The following RABGEF1 variants were observed in gnomAD, a reference collection of about 807,000 sequenced individuals.
RABGEF1 encodes the protein RAB guanine nucleotide exchange factor 1, also known as rab5 GDP/GTP exchange factor.
In RABGEF1, 26 loss-of-function variants were observed where a neutral mutation model predicts 57.3. That is an observed-to-expected ratio of 0.45 (90% CI 0.33 to 0.63). RABGEF1 has a LOEUF of 0.63. RABGEF1 is among the 20% of genes least tolerant of loss of function. The probability of loss-of-function intolerance (pLI) is 0.02; values close to 1 mark genes in which losing one functional copy is unlikely to be tolerated. For synonymous variants in RABGEF1, 185 were observed against 210.7 expected, an observed-to-expected ratio of 0.88 and a Z score of 1.06; for missense variants, 464 against 607.6, an observed-to-expected ratio of 0.76 and a Z score of 2.48.
At chr7:66,765,370 G>A (rs1467556366) in intron 1 of RABGEF1, among the ~76,000 whole-genome samples, 1 of 152,060 alleles carries the variant, frequency 6.6e-6, no homozygotes, top group African/African-American at 2.4e-5. Context: ...AGCTTTTATT[G>A]TATGCCAAGT....
chr7:66,728,955 T>TACCACCATC (rs1310702475), intron 2 of RABGEF1, among the ~76,000 whole-genome samples: 16 of 147,916 alleles, frequency 1.1e-4, no homozygotes, highest in African/African-American at 2.0e-4. Context: ...CCTCCACTTT[T>TACCACCATC]TTTTTTTTTT....
intron 4 of RABGEF1, among the ~76,000 whole-genome samples, chr7:66,791,404 T>A (rs2129161777): frequency 6.6e-6 from 1 of 152,360 alleles, no homozygotes; most frequent in South Asian, 2.1e-4. Context: ...ACTTTAAATG[T>A]GTGTTTCATT....
chr7:66,692,966 A>G (rs1440112587), intron 1 of RABGEF1, among the ~76,000 whole-genome samples: 2 of 152,016 alleles, frequency 1.3e-5, no homozygotes, highest in Admixed American at 6.6e-5. Context: ...AAGGCCCCCC[A>G]TGCCGGAAGG....
chr7:66,800,584 C>T (rs967077650), intron 7 of RABGEF1, among the ~76,000 whole-genome samples: 4 of 152,136 alleles, frequency 2.6e-5, no homozygotes, highest in African/African-American at 4.8e-5. Context: ...CTCTGCCCCC[C>T]GCACCTTTTG....
intron 1 of RABGEF1, among the ~76,000 whole-genome samples, chr7:66,691,154 C>T (rs1279273478): frequency 6.6e-6 from 1 of 152,138 alleles, no homozygotes; most frequent in Non-Finnish European, 1.5e-5. Context: ...TGAAAAGTCT[C>T]ATATATTGTT....
chr7:66,745,768 C>CAAAAAA (rs35862923), intron 1 of RABGEF1, among the ~76,000 whole-genome samples: 1 of 118,470 alleles, frequency 8.4e-6, no homozygotes, highest in African/African-American at 3.4e-5. Context: ...GACTCTATCT[C>CAAAAAA]AAAAAAAAAA....
chr7:66,715,713 G>A (rs1795313341), intron 2 of RABGEF1, among the ~76,000 whole-genome samples: 1 of 151,668 alleles, frequency 6.6e-6, no homozygotes, highest in Non-Finnish European at 1.5e-5. Flanking sequence ...GGTTTATTTT[G>A]TGACCAAGGA....
chr7:66,699,842 G>C (rs1334163029), intron 1 of RABGEF1, among the ~76,000 whole-genome samples: 1 of 152,164 alleles, frequency 6.6e-6, no homozygotes, highest in African/African-American at 2.4e-5. Context: ...GACAGAGAGA[G>C]ACCCTGTCTC....
chr7:66,716,467 G>A (rs528604084), intron 2 of RABGEF1, among the ~76,000 whole-genome samples: 33 of 152,156 alleles, frequency 2.2e-4, no homozygotes, highest in Non-Finnish European at 3.7e-4. Flanking sequence ...TAGGTGTGGC[G>A]GCATGTGCCT....
At chr7:66,733,486 C>CAGG (rs1225893274) in intron 2 of RABGEF1, among the ~76,000 whole-genome samples, 3 of 151,802 alleles carry the variant, frequency 2.0e-5, no homozygotes, top group African/African-American at 7.3e-5. Flanking sequence ...ATCAGGAGAT[C>CAGG]AGGAGTTCAA....
chr7:66,736,336 C>T (rs1376725450), upstream of RABGEF1, among the ~76,000 whole-genome samples: 1 of 152,172 alleles, frequency 6.6e-6, no homozygotes, highest in Non-Finnish European at 1.5e-5. Context: ...AGCAAAAGTC[C>T]TTTCACATAT....
At chr7:66,692,774 C>A (rs1791715097) in intron 1 of RABGEF1, among the ~76,000 whole-genome samples, 1 of 151,916 alleles carries the variant, frequency 6.6e-6, no homozygotes, top group Non-Finnish European at 1.5e-5. Context: ...GAACTCCCTC[C>A]TAAGGAACCT....
rs1789099579 is a variant in RABGEF1, at chr7:66,809,058, T to C, written c.1250T>C (p.Leu417Ser). 1 of 1,614,038 alleles carries C rather than the reference T, an allele frequency of 6.2e-7. No homozygotes were observed. The highest frequency in any genetic ancestry group is 1.7e-5 in the Admixed American group (1 of 59,992). ...CAAATGTATAAGAACTTGGATCTCT[T>C]GTCTCAGTTGAATGAACGACAAGAA... ...VKQMYKNLDLLSQLNERQERI... is the reference protein window; with the variant it reads ...VKQMYKNLDLSSQLNERQERI... The change falls in exon 9 of 9, where the codon TTG becomes TCG. Residue 417 changes from leucine to serine, a missense_variant. Physicochemically the swap from Leu to Ser is moderately radical, Grantham distance 145 (BLOSUM62 -2). Around this residue, in one of 4 missense-constraint regions of RABGEF1, gnomAD observed 151 missense variants for 152.2 expected, o/e 0.99. Transcript: ENST00000284957.
At chr7:66,764,289 A>T (rs1290069794) in intron 1 of RABGEF1, among the ~76,000 whole-genome samples, 2 of 152,186 alleles carry the variant, frequency 1.3e-5, no homozygotes, top group Non-Finnish European at 1.5e-5. Flanking sequence ...ATGTCCATTC[A>T]GATCTTTTAC....
intron 1 of RABGEF1, among the ~76,000 whole-genome samples, chr7:66,768,401 T>A (rs1354831741): frequency 1.1e-4 from 16 of 152,230 alleles, no homozygotes; most frequent in African/African-American, 3.6e-4. Flanking sequence ...TTTTCTGACA[T>A]CTGAGTTTTG....
chr7:66,788,450 A>G lies in RABGEF1; in HGVS notation c.513+4609A>G, dbSNP rs1328450011. The stretch of plus-strand genomic sequence containing the variant: ...CAGAGCAAGACTCCATCTCAAAAAA[A>G]AACAAAAAACAAAACAAAACAAAAC... On this transcript the variant is annotated intron_variant, in intron 4 of 8. Transcript: ENST00000284957. 2.0e-5 allele frequency among the ~76,000 whole-genome samples: 3 copies of G among 151,396 alleles called. No individual in the cohort carries two copies. The East Asian group carries it at 5.9e-4, about 30-fold the overall frequency.
the RABGEF1 span, among the ~76,000 whole-genome samples, chr7:66,672,266 C>CA: frequency 0.27 from 28,741 of 108,218 alleles, 3,010 homozygotes; most frequent in Middle Eastern, 0.49. Context: ...ACTAAAAATA[C>CA]AAAAAAAAAA....
chr7:66,764,935 C>G (rs1026865510), intron 1 of RABGEF1, among the ~76,000 whole-genome samples: 9 of 152,230 alleles, frequency 5.9e-5, no homozygotes, highest in African/African-American at 2.2e-4. Flanking sequence ...TTTGGCCATT[C>G]TGGGCCCTTG....
intron 2 of RABGEF1, among the ~76,000 whole-genome samples, chr7:66,720,073 A>G (rs2117496185): frequency 6.6e-6 from 1 of 152,286 alleles, no homozygotes; most frequent in East Asian, 1.9e-4. Context: ...AAATAAGTCA[A>G]TGTAATGCAA....
Sources: allele counts gnomAD v4.1 joint callset (sites outside exome capture counted in the v4.1 genomes callset), GRCh38; gene constraint gnomAD v4.1.1; regional missense constraint gnomAD v4.1.1; transcripts MANE v1.5; gene names NCBI Gene and HGNC (gene_info 2026-07-23, HGNC 2026-07-21).